The following CDK5RAP2 variants were observed in gnomAD, a reference collection of about 807,000 sequenced individuals.
CDK5RAP2 encodes the protein CDK5 regulatory subunit associated protein 2, also known as CDK5 regulatory subunit-associated protein 2.
CDK5RAP2 carries 147 observed loss-of-function variants against 232.9 expected under a neutral mutation model. That is an observed-to-expected ratio of 0.63 (90% confidence interval 0.55 to 0.72). CDK5RAP2 has a LOEUF of 0.72. CDK5RAP2 is among the 30% of genes least tolerant of loss of function. The pLI is 0.00. For missense variants in CDK5RAP2, 2,195 were observed against 2,231.5 expected (o/e 0.98, Z 0.33); for synonymous variants, 833 against 833.7 (o/e 1.00, Z 0.01).
chr9:120,486,696 G>A (rs988877457), intron 14 of CDK5RAP2, among the ~76,000 whole-genome samples: 1 of 152,084 alleles, frequency 6.6e-6, no homozygotes, highest in Non-Finnish European at 1.5e-5. Flanking sequence ...GTGAACCAGA[G>A]GAAAACGGGG....
chr9:120,545,929 AT>A, intron 4 of CDK5RAP2, 139 bp from the exon 5 acceptor site: 1 of 716,702 alleles, frequency 1.4e-6, no homozygotes, highest in Non-Finnish European at 2.5e-6. Context: ...AAAAACCCTC[AT>A]TAGCCTCAGG....
At chr9:120,444,099 T>C (rs776554293) in intron 22 of CDK5RAP2, among the ~76,000 whole-genome samples, 2 of 151,998 alleles carry the variant, frequency 1.3e-5, no homozygotes, top group East Asian at 1.9e-4. Flanking sequence ...CAGCAAAAAA[T>C]AAAAACAGTA....
At chr9:120,405,714 A>G (rs2033387390) in intron 32 of CDK5RAP2, among the ~76,000 whole-genome samples, 1 of 152,234 alleles carries the variant, frequency 6.6e-6, no homozygotes, top group Admixed American at 6.5e-5. Context: ...TCTCCTAAGA[A>G]TATTATTTAA....
chr9:120,576,412 C>A lies in CDK5RAP2; in HGVS notation c.59+3508G>T, dbSNP rs1054391344. On this transcript the variant is annotated intron_variant, in intron 1 of 37. Transcript: ENST00000349780. ...GTAGCCATTAACATGTAATCAATAC[C>A]ACAATGAGGGCCAGGCGGGGTGGCT... 2.6e-5 allele frequency among the ~76,000 whole-genome samples: 4 copies of A among 152,094 alleles called. No individual in the cohort carries two copies. In the South Asian group the frequency reaches 8.3e-4, roughly 32 times the overall value.
chr9:120,480,816 C>T (rs2038263825), intron 14 of CDK5RAP2, among the ~76,000 whole-genome samples: 1 of 152,214 alleles, frequency 6.6e-6, no homozygotes, highest in Non-Finnish European at 1.5e-5. Flanking sequence ...CTTTTAAATG[C>T]TAAACCACCA....
At chr9:120,531,858 AGAAAACCTG>A (rs2041167185) in intron 7 of CDK5RAP2, among the ~76,000 whole-genome samples, 3 of 152,244 alleles carry the variant, frequency 2.0e-5, no homozygotes, top group African/African-American at 7.2e-5. Context: ...GCAATGCCCC[AGAAAACCTG>A]GAAAGAGGTG....
chr9:120,507,671 T>C (rs2039875594), intron 12 of CDK5RAP2, among the ~76,000 whole-genome samples: 2 of 152,014 alleles, frequency 1.3e-5, no homozygotes, highest in East Asian at 3.9e-4. Flanking sequence ...ATCTGTTTTA[T>C]TTGCTTCTGA....
intron 23 of CDK5RAP2, 44 bp downstream of exon 23, chr9:120,443,576 G>A: frequency 1.2e-6 from 2 of 1,607,486 alleles, no homozygotes; most frequent in Non-Finnish European, 1.7e-6. Flanking sequence ...AATGGTGCCT[G>A]GCACATGGAA....
chr9:120,495,008 AG>A (rs2039107489), intron 12 of CDK5RAP2, among the ~76,000 whole-genome samples: 1 of 124,038 alleles, frequency 8.1e-6, no homozygotes, highest in South Asian at 2.5e-4. Flanking sequence ...TTCAGCGGGC[AG>A]CGGAGCTGTC....
At chr9:120,486,392 A>G (rs900212210) in intron 14 of CDK5RAP2, among the ~76,000 whole-genome samples, 7 of 150,946 alleles carry the variant, frequency 4.6e-5, no homozygotes, top group East Asian at 2.0e-4. Context: ...AACTTAATTT[A>G]AGCCAGGTTT....
In CDK5RAP2 at chr9:120,481,497, GTTTTCTTTTTTTTTT is replaced by G. The variant is rs1470726520; in HGVS notation, c.1627-4062_1627-4048del. 6.4e-5 allele frequency among the ~76,000 whole-genome samples: 9 copies of G among 141,638 alleles called. 1 individual carries two copies. Among genetic ancestry groups the G allele is most frequent in the South Asian group, 2.2e-4 (1 of 4,460 alleles). 92.9% of individuals were successfully genotyped at this position (141,638 alleles called of 152,430 possible). On this transcript the variant is annotated intron_variant, in intron 14 of 37. Transcript: ENST00000349780. ...CTCAACTTCTCTGTATGTCAATATT[GTTTTCTTTTTTTTTT>G]TTTTCTTTTTTTTTTTTTGAGATGG... is the stretch of plus-strand genomic sequence containing the variant.
chr9:120,535,227 G>A (rs906771181), intron 7 of CDK5RAP2, among the ~76,000 whole-genome samples: 1 of 152,168 alleles, frequency 6.6e-6, no homozygotes, highest in Admixed American at 6.5e-5. Context: ...GCTGAAGCTA[G>A]GGCACTTACA....
chr9:120,462,302 T>G (rs76151616), intron 18 of CDK5RAP2, among the ~76,000 whole-genome samples: 3,483 of 152,250 alleles, frequency 0.023, 58 homozygotes, highest in East Asian at 0.042. Flanking sequence ...TACCATAACA[T>G]TCTCGAGTGA....
In CDK5RAP2 at chr9:120,460,721, G is replaced by A. The variant is rs1209202519; in HGVS notation, c.2107-54C>T. The A allele has an allele frequency of 3.1e-6, 5 of 1,609,964 alleles. No individual in the cohort carries two copies. The South Asian group carries it at 4.4e-5, about 14-fold the overall frequency. ...TGCAACCCAAAAAAGTGTGCAGCATGAATATGTATGAATAAGTCAGTGATG... is the reference window on the plus strand; with the variant it reads ...TGCAACCCAAAAAAGTGTGCAGCATAAATATGTATGAATAAGTCAGTGATG... On this transcript the variant is annotated intron_variant, in intron 18 of 37. Coordinates refer to ENST00000349780, the MANE Select transcript of CDK5RAP2 (RefSeq NM_018249.6).
intron 22 of CDK5RAP2, among the ~76,000 whole-genome samples, chr9:120,446,398 G>C (rs1408497072): frequency 6.6e-6 from 1 of 152,092 alleles, no homozygotes; most frequent in African/African-American, 2.4e-5. Context: ...GGCTAATTTT[G>C]TATTTTTAGT....
chr9:120,571,507 C>T (rs1588682784), intron 2 of CDK5RAP2, among the ~76,000 whole-genome samples: 3 of 152,210 alleles, frequency 2.0e-5, no homozygotes, highest in East Asian at 1.9e-4. Context: ...TACTCAGAGC[C>T]GTCTCCTGTG....
intron 35 of CDK5RAP2, among the ~76,000 whole-genome samples, chr9:120,397,176 CTTG>C (rs1239525037): frequency 6.6e-6 from 1 of 152,154 alleles, no homozygotes; most frequent in Non-Finnish European, 1.5e-5. Context: ...GGAATTTTTG[CTTG>C]TTTTCTTTTT....
chr9:120,579,879 C>A, intron 1 of CDK5RAP2, 41 bp downstream of exon 1: 1 of 1,557,142 alleles, frequency 6.4e-7, no homozygotes, highest in East Asian at 2.2e-5. Context: ...CCAGCTGGAA[C>A]CCCGGCCCGG....
intron 25 of CDK5RAP2, among the ~76,000 whole-genome samples, chr9:120,436,039 T>C (rs565525019): frequency 6.6e-6 from 1 of 152,342 alleles, no homozygotes; most frequent in East Asian, 1.9e-4. Context: ...ACAAAGTATC[T>C]TCTACAAATT....
Sources: gnomAD v4.1 joint callset for allele counts (sites outside exome capture counted in the v4.1 genomes callset) on GRCh38, gnomAD v4.1.1 for gene constraint, MANE v1.5 for transcripts, NCBI Gene and HGNC (gene_info 2026-07-23, HGNC 2026-07-21) for gene names.